The following OPCML variants were observed in gnomAD, a reference collection of about 807,000 sequenced individuals.
The protein encoded by OPCML is opioid binding protein/cell adhesion molecule like.
Under a neutral mutation model 37.8 loss-of-function variants are expected in OPCML, and 13 were observed. The observed-to-expected ratio is 0.34, with a 90% confidence interval of 0.22 to 0.55. The LOEUF (loss-of-function observed/expected upper bound fraction) is 0.55. Ranked by LOEUF, OPCML falls within the 20% of genes least tolerant of loss-of-function variation. The probability of loss-of-function intolerance (pLI) is 0.91; values close to 1 mark genes in which losing one functional copy is unlikely to be tolerated. For synonymous variants in OPCML, 176 were observed against 168.8 expected (o/e 1.04, Z -0.33); for missense variants, 341 against 435.6 (o/e 0.78, Z 1.93).
chr11:133,212,321 T>C lies in OPCML; in HGVS notation c.62-269311A>G, dbSNP rs1939396969. Among the ~76,000 whole-genome samples the C allele has an allele frequency of 1.3e-5, 2 of 152,034 alleles. No individual in the cohort carries two copies. Among genetic ancestry groups the C allele is most frequent in the Non-Finnish European group, 2.9e-5 (2 of 67,992 alleles). ...ATCTACCGCCCTGCTTCCCATTTCC[T>C]CTCAGATCTCATCTCCTGCCACTCT... On this transcript the variant is annotated intron_variant, in intron 1 of 7. Transcript: ENST00000524381. This position sits in a 1 kb window ranked among gnomAD's most constrained non-coding sequence, Gnocchi z 4.9.
intron 1 of OPCML, among the ~76,000 whole-genome samples, chr11:133,481,520 A>C (rs755255772): frequency 3.9e-5 from 6 of 152,338 alleles, no homozygotes; most frequent in East Asian, 1.9e-4. Flanking sequence ...GATAGAGAAA[A>C]TAAAATGTAT....
chr11:133,232,881 G>A (rs2167971), intron 1 of OPCML, among the ~76,000 whole-genome samples: 1 of 152,176 alleles, frequency 6.6e-6, no homozygotes, highest in East Asian at 1.9e-4. Flanking sequence ...AGATCCCAGT[G>A]CTGACAGCTT....
At chr11:132,463,641 C>T (rs971566575) in intron 4 of OPCML, among the ~76,000 whole-genome samples, 5 of 152,196 alleles carry the variant, frequency 3.3e-5, no homozygotes, top group African/African-American at 7.2e-5. Context: ...TGAGGTATAT[C>T]TCCTGAGCCA....
chr11:132,698,882 T>C (rs1199077682), intron 2 of OPCML, among the ~76,000 whole-genome samples: 1 of 152,108 alleles, frequency 6.6e-6, no homozygotes, highest in Non-Finnish European at 1.5e-5. Flanking sequence ...GAATTGTTCT[T>C]TATATTTCTC....
chr11:133,398,038 C>G (rs565713545), intron 1 of OPCML, among the ~76,000 whole-genome samples: 1 of 152,290 alleles, frequency 6.6e-6, no homozygotes, highest in East Asian at 1.9e-4. Context: ...TCCCTCTTGT[C>G]GCCAAGGGCA....
At chr11:132,744,658 G>T (rs1591546271) in intron 2 of OPCML, among the ~76,000 whole-genome samples, 1 of 152,224 alleles carries the variant, frequency 6.6e-6, no homozygotes, top group East Asian at 1.9e-4. Context: ...CCTGCATTAG[G>T]CACTGCCACG....
At chr11:132,862,493 A>AT (rs1453580730) in intron 2 of OPCML, among the ~76,000 whole-genome samples, 2 of 151,968 alleles carry the variant, frequency 1.3e-5, no homozygotes, top group East Asian at 3.9e-4. Context: ...AAAAAAAAAA[A>AT]AAAAACTCTG....
chr11:133,475,871 T>G (rs920966352), intron 1 of OPCML, among the ~76,000 whole-genome samples: 1 of 150,044 alleles, frequency 6.7e-6, no homozygotes, highest in African/African-American at 2.5e-5. Flanking sequence ...GCCAAGATAC[T>G]GAAATAAAAG....
chr11:132,618,954 TACAC>T (rs6144570), intron 3 of OPCML, among the ~76,000 whole-genome samples: 8,575 of 145,372 alleles, frequency 0.059, 265 homozygotes, highest in Non-Finnish European at 0.078. Context: ...AGCACACGCA[TACAC>T]ACACACACAC....
intron 1 of OPCML, among the ~76,000 whole-genome samples, chr11:133,484,051 TAGATA>T (rs1414633340): frequency 6.7e-6 from 1 of 148,910 alleles, no homozygotes; most frequent in Non-Finnish European, 1.5e-5. Flanking sequence ...GATAGATAGA[TAGATA>T]GATAGATAGA....
intron 1 of OPCML, chr11:133,024,493 T>C (rs1245011909): frequency 1.0e-6 from 1 of 976,476 alleles, no homozygotes; most frequent in Non-Finnish European, 1.2e-6. Flanking sequence ...TCACGGGTAA[T>C]GAGATGTAGA....
At chr11:132,594,991 T>A (rs2137732048) in intron 3 of OPCML, among the ~76,000 whole-genome samples, 1 of 152,350 alleles carries the variant, frequency 6.6e-6, no homozygotes, top group South Asian at 2.1e-4. Flanking sequence ...ATCAAAATTT[T>A]AAAATCATCA....
At chr11:132,888,501 C>A (rs1943509384) in intron 2 of OPCML, among the ~76,000 whole-genome samples, 2 of 152,224 alleles carry the variant, frequency 1.3e-5, no homozygotes, top group Non-Finnish European at 2.9e-5. Flanking sequence ...AGTTTCTCCC[C>A]CCACGCATCT....
intron 1 of OPCML, among the ~76,000 whole-genome samples, chr11:133,395,445 G>A (rs1250499313): frequency 5.3e-5 from 8 of 152,114 alleles, no homozygotes; most frequent in South Asian, 2.1e-4. Context: ...CTGTACTTGT[G>A]GGGTATTACT....
chr11:133,220,898 A>C (rs1031168693), intron 1 of OPCML, among the ~76,000 whole-genome samples: 19 of 152,102 alleles, frequency 1.2e-4, no homozygotes, highest in Non-Finnish European at 2.8e-4. Context: ...TTAGCCATGG[A>C]AGATCCCCAG....
At chr11:132,773,535 A>G (rs1340662473) in intron 2 of OPCML, among the ~76,000 whole-genome samples, 1 of 152,198 alleles carries the variant, frequency 6.6e-6, no homozygotes, top group African/African-American at 2.4e-5. Context: ...AAAAGCAGCA[A>G]TAGAAAAGTC....
chr11:133,458,817 A>ATGCACGTGTGTGTGTATATACACATAGT (rs1946785421), intron 1 of OPCML, among the ~76,000 whole-genome samples: 3 of 150,530 alleles, frequency 2.0e-5, no homozygotes, highest in Admixed American at 1.3e-4. Context: ...ATACACATAG[A>ATGCACGTGTGTGTGTATATACACATAGT]TGCACGTGTG....
At chr11:133,142,413 A>G (rs911359831) in intron 1 of OPCML, among the ~76,000 whole-genome samples, 1 of 152,168 alleles carries the variant, frequency 6.6e-6, no homozygotes, top group Non-Finnish European at 1.5e-5. Context: ...CCAGCTTCAC[A>G]CTGGAGCCTA....
intron 1 of OPCML, chr11:133,301,826 A>T (rs2136567084): frequency 6.6e-6 from 1 of 152,280 alleles, no homozygotes; most frequent in Non-Finnish European, 1.5e-5. Flanking sequence ...AAGAGGCATT[A>T]AAAAAAGTTA....
Sources: allele counts gnomAD v4.1 joint callset (sites outside exome capture counted in the v4.1 genomes callset), GRCh38; gene constraint gnomAD v4.1.1; non-coding constraint Gnocchi (gnomAD v3.1); transcripts MANE v1.5; gene names NCBI Gene and HGNC (gene_info 2026-07-23, HGNC 2026-07-21).